Variants in ST18 observed in about 807,000 individuals in gnomAD.
ST18 encodes ST18 C2H2C-type zinc finger transcription factor, also known as suppression of tumorigenicity 18 protein.
ST18 carries 50 observed loss-of-function variants against 110.0 expected under a neutral mutation model. The ratio of observed to expected loss-of-function variants is 0.45; its 90% CI spans 0.36 to 0.58. ST18 has a LOEUF of 0.58. ST18 is among the 20% of genes least tolerant of loss of function. The pLI is 0.00. For synonymous variants in ST18, 461 were observed against 452.4 expected, an observed-to-expected ratio of 1.02 and a Z score of -0.24; for missense variants, 1,306 against 1,280.1, an observed-to-expected ratio of 1.02 and a Z score of -0.31.
intron 9 of ST18, among the ~76,000 whole-genome samples, chr8:52,176,545 G>A (rs565729005): frequency 3.9e-5 from 6 of 152,150 alleles, no homozygotes; most frequent in African/African-American, 1.4e-4. Context: ...TTCTCCATCC[G>A]GAGCACATTC....
At chr8:52,157,279 G>A (rs2060267813) in intron 15 of ST18, among the ~76,000 whole-genome samples, 1 of 152,296 alleles carries the variant, frequency 6.6e-6, no homozygotes, top group South Asian at 2.1e-4. Context: ...CTGAAGGTGA[G>A]AGGCAGAATT....
intron 23 of ST18, among the ~76,000 whole-genome samples, chr8:52,121,096 A>T (rs1193983367): frequency 6.6e-6 from 1 of 152,128 alleles, no homozygotes; most frequent in Non-Finnish European, 1.5e-5. Context: ...TGCTTGTGAG[A>T]AGACTGTTTA....
chr8:52,220,851 A>G lies in ST18; in HGVS notation c.-264-3T>C, dbSNP rs1473579843. The G allele has an allele frequency of 6.6e-6, 1 of 152,210 alleles. No individual in the cohort carries two copies. The highest frequency in any genetic ancestry group is 1.5e-5 in the Non-Finnish European group (1 of 68,036). The allele number at this position is 152,210 out of a possible 1,614,324, so 9.4% of individuals were successfully genotyped here. ...AGTGATAAATCCTGAAATTCATTCT[A>G]TTGAGATAAGAAATCAAACAAGAAA... is the stretch of plus-strand genomic sequence containing the variant. On this transcript the variant is annotated splice_region_variant and splice_polypyrimidine_tract_variant and intron_variant, in intron 4 of 25. Coordinates refer to ENST00000689386, the MANE Select transcript of ST18 (RefSeq NM_001352837.2).
intron 17 of ST18, among the ~76,000 whole-genome samples, 191 bp downstream of exon 17, chr8:52,142,739 C>G (rs1477525151): frequency 2.0e-5 from 3 of 152,164 alleles, no homozygotes; most frequent in Non-Finnish European, 4.4e-5. Flanking sequence ...AATCAACAGG[C>G]TTTTAATTCT....
intron 2 of ST18, among the ~76,000 whole-genome samples, chr8:52,260,851 C>T (rs1333118642): frequency 1.3e-5 from 2 of 152,136 alleles, no homozygotes; most frequent in African/African-American, 2.4e-5. Context: ...ATTTAAGTTC[C>T]AAGTTGCCTT....
chr8:52,146,656 G>A (rs1030078665), intron 16 of ST18, among the ~76,000 whole-genome samples: 3 of 151,954 alleles, frequency 2.0e-5, no homozygotes, highest in African/African-American at 7.3e-5. Context: ...TATTGCACGT[G>A]GTATCCCTCT....
At chr8:52,150,727 A>T (rs2058606381) in intron 15 of ST18, 1 of 152,250 alleles carries the variant, frequency 6.6e-6, no homozygotes, top group Admixed American at 6.5e-5. Context: ...CTCCACACTT[A>T]GTGTGAGACT....
At chr8:52,369,547 G>A (rs1019751954) in intron 2 of ST18, among the ~76,000 whole-genome samples, 2 of 152,166 alleles carry the variant, frequency 1.3e-5, no homozygotes, top group African/African-American at 4.8e-5. Flanking sequence ...AAATGAGAGA[G>A]AAATACACTT....
rs756175439 is a variant in ST18, at chr8:52,142,995, T to G, written c.2103A>C (p.Gly701=). Residue 701 remains glycine, a synonymous_variant, in exon 17 of 26, where the codon GGA becomes GGC. Coordinates refer to ENST00000689386, the MANE Select transcript of ST18 (RefSeq NM_001352837.2). ...LENLEEKKFP[G]EASIPSPKPK... ...GTTTAGGGCTTGGTATAGAGGCCTC[T>G]CCAGGAAACTTTTTTTCCTCTAAAT... The G allele has an allele frequency of 1.9e-6, 3 of 1,614,114 alleles. No homozygotes were observed. Among genetic ancestry groups the G allele is most frequent in the African/African-American group, 1.3e-5 (1 of 75,038 alleles).
intron 9 of ST18, among the ~76,000 whole-genome samples, chr8:52,177,721 T>C (rs2067473297): frequency 6.6e-6 from 1 of 152,182 alleles, no homozygotes; most frequent in Non-Finnish European, 1.5e-5. Context: ...CATAGTTAGT[T>C]GGGAAATAAT....
At chr8:52,344,715 C>T (rs936455449) in intron 2 of ST18, among the ~76,000 whole-genome samples, 1 of 152,084 alleles carries the variant, frequency 6.6e-6, no homozygotes. Context: ...ACTGCCATTT[C>T]TAATGAGGGA....
intron 2 of ST18, among the ~76,000 whole-genome samples, chr8:52,380,472 C>G (rs548721960): frequency 6.6e-6 from 1 of 152,078 alleles, no homozygotes; most frequent in Non-Finnish European, 1.5e-5. Flanking sequence ...GCATGGGAGA[C>G]GGGCACCCCT....
chr8:52,400,796 A>C (rs1432386943), intron 2 of ST18, among the ~76,000 whole-genome samples: 1 of 152,162 alleles, frequency 6.6e-6, no homozygotes, highest in African/African-American at 2.4e-5. Flanking sequence ...TAATGTAGCC[A>C]CAGTTATTTT....
chr8:52,352,321 G>A (rs2140329538), intron 2 of ST18, among the ~76,000 whole-genome samples: 1 of 152,278 alleles, frequency 6.6e-6, no homozygotes, highest in African/African-American at 2.4e-5. Context: ...CTTGCACATT[G>A]TGTAATGTAA....
chr8:52,198,760 C>G (rs774852326), intron 8 of ST18, among the ~76,000 whole-genome samples: 4 of 152,194 alleles, frequency 2.6e-5, no homozygotes, highest in Non-Finnish European at 5.9e-5. Flanking sequence ...TATTGAATTA[C>G]AAATAACTTG....
chr8:52,404,130 T>C (rs1457368311), intron 2 of ST18: 2 of 152,162 alleles, frequency 1.3e-5, no homozygotes, highest in Non-Finnish European at 2.9e-5. Context: ...TTTATGACAA[T>C]CTCATAAAGG....
At chr8:52,180,051 A>T (rs2068721705) in intron 9 of ST18, 71 bp downstream of exon 9, 2 of 1,464,528 alleles carry the variant, frequency 1.4e-6, no homozygotes, top group South Asian at 2.5e-5. Flanking sequence ...CAAACCACAC[A>T]CTCTACATGA....
intron 18 of ST18, 38 bp from the exon 19 acceptor site, chr8:52,136,696 G>A (rs2052523286): frequency 6.5e-7 from 1 of 1,541,300 alleles, no homozygotes; most frequent in Non-Finnish European, 8.9e-7. Flanking sequence ...ACACAACACT[G>A]ACATATACAA....
chr8:52,329,273 G>A (rs112184806), intron 2 of ST18, among the ~76,000 whole-genome samples: 388 of 144,202 alleles, frequency 2.7e-3, no homozygotes, highest in African/African-American at 9.9e-3. Context: ...CTCCATCTGT[G>A]GAGAAATGGT....
Sources: allele counts gnomAD v4.1 joint callset (sites outside exome capture counted in the v4.1 genomes callset), GRCh38; gene constraint gnomAD v4.1.1; transcripts MANE v1.5; gene names NCBI Gene and HGNC (gene_info 2026-07-23, HGNC 2026-07-21).